Variants in GPC5 observed in about 807,000 individuals in gnomAD.
GPC5 encodes glypican 5.
Under a neutral mutation model 53.9 loss-of-function variants are expected in GPC5, and 47 were observed. The ratio of observed to expected loss-of-function variants is 0.87; its 90% CI spans 0.69 to 1.11. The LOEUF is 1.11. GPC5 is among the 50% of genes most tolerant of loss of function. GPC5 has a pLI of 0.00. For synonymous variants in GPC5, 286 were observed against 263.3 expected (o/e 1.09, Z -0.84); for missense variants, 748 against 713.1 (o/e 1.05, Z -0.56).
intron 7 of GPC5, among the ~76,000 whole-genome samples, chr13:92,691,532 C>T (rs184973031): frequency 1.8e-4 from 28 of 151,974 alleles, no homozygotes; most frequent in African/African-American, 4.6e-4. Context: ...TCTTCTGCGT[C>T]GCTCACGCTG....
At chr13:91,533,560 C>T (rs191570729) in intron 2 of GPC5, among the ~76,000 whole-genome samples, 11 of 151,966 alleles carry the variant, frequency 7.2e-5, no homozygotes, top group Admixed American at 6.6e-4. Flanking sequence ...AGATAATGAA[C>T]AGCACTGAAA....
intron 7 of GPC5, among the ~76,000 whole-genome samples, chr13:92,735,826 CA>C (rs1167406169): frequency 6.6e-6 from 1 of 151,922 alleles, no homozygotes; most frequent in Non-Finnish European, 1.5e-5. Flanking sequence ...GTAAGTTAAG[CA>C]TCTGTCTTAG....
intron 7 of GPC5, among the ~76,000 whole-genome samples, chr13:92,791,697 A>G (rs1876469473): frequency 6.6e-6 from 1 of 152,144 alleles, no homozygotes; most frequent in African/African-American, 2.4e-5. Flanking sequence ...GTGTACATAT[A>G]TATGTATATA....
At chr13:92,833,471 A>G (rs1317920017) in intron 7 of GPC5, among the ~76,000 whole-genome samples, 1 of 152,116 alleles carries the variant, frequency 6.6e-6, no homozygotes, top group Admixed American at 6.6e-5. Context: ...AATAGATAAT[A>G]TATATATTCT....
At chr13:91,665,266 G>A (rs977010618) in intron 2 of GPC5, among the ~76,000 whole-genome samples, 2 of 152,080 alleles carry the variant, frequency 1.3e-5, no homozygotes, top group Non-Finnish European at 2.9e-5. Flanking sequence ...CTCCAATTAG[G>A]TCATTTTATA....
chr13:92,069,908 T>C (rs8000320), intron 6 of GPC5, among the ~76,000 whole-genome samples: 152,262 of 152,268 alleles, frequency 1, 76,128 homozygotes, highest in Middle Eastern at 1. Context: ...AAGATGGTCA[T>C]GCTTTAATCC....
chr13:91,401,375 A>G (rs76663499), intron 1 of GPC5, among the ~76,000 whole-genome samples: 8,795 of 151,854 alleles, frequency 0.058, 433 homozygotes, highest in East Asian at 0.3. Flanking sequence ...TTCTTTTTGT[A>G]TTTATATATG....
chr13:92,751,746 A>AAAACAAT (rs111894774), intron 7 of GPC5, among the ~76,000 whole-genome samples: 1 of 151,224 alleles, frequency 6.6e-6, no homozygotes, highest in Admixed American at 6.6e-5. Context: ...TAAAGTATAA[A>AAAACAAT]AAAAAATAAA....
intron 7 of GPC5, among the ~76,000 whole-genome samples, chr13:92,413,384 T>C (rs1876134486): frequency 6.6e-6 from 1 of 152,228 alleles, no homozygotes; most frequent in Non-Finnish European, 1.5e-5. Context: ...TAAATCAAGA[T>C]TATTTTATTG....
At chr13:91,927,896 C>T (rs992958657) in intron 6 of GPC5, among the ~76,000 whole-genome samples, 25 of 152,176 alleles carry the variant, frequency 1.6e-4, no homozygotes, top group African/African-American at 6.0e-4. Context: ...TATTTTTCTT[C>T]CTTTAAAAAG....
chr13:91,749,033 TA>T (rs1245755103), intron 4 of GPC5, among the ~76,000 whole-genome samples: 1 of 152,050 alleles, frequency 6.6e-6, no homozygotes, highest in Non-Finnish European at 1.5e-5. Context: ...TATTGTTTCT[TA>T]TTTTTTTAAT....
At chr13:91,516,929 C>T (rs535694845) in intron 2 of GPC5, among the ~76,000 whole-genome samples, 1 of 152,288 alleles carries the variant, frequency 6.6e-6, no homozygotes, top group South Asian at 2.1e-4. Context: ...TGTACGTTGT[C>T]CCCTTTCAGC....
intron 7 of GPC5, among the ~76,000 whole-genome samples, chr13:92,475,323 C>T (rs1566606701): frequency 6.8e-6 from 1 of 147,308 alleles, no homozygotes; most frequent in Non-Finnish European, 1.5e-5. Flanking sequence ...ATTGATTCTT[C>T]CTACCCATGA....
intron 7 of GPC5, among the ~76,000 whole-genome samples, chr13:92,175,280 T>A (rs1233010340): frequency 1.3e-5 from 2 of 152,212 alleles, no homozygotes; most frequent in Non-Finnish European, 2.9e-5. Flanking sequence ...TTTCTGTTTA[T>A]CGATATCTAG....
intron 2 of GPC5, among the ~76,000 whole-genome samples, chr13:91,628,571 T>G (rs1041464622): frequency 6.6e-6 from 1 of 152,126 alleles, no homozygotes; most frequent in African/African-American, 2.4e-5. Context: ...TAATTTTAAT[T>G]GGAAAATAGC....
chr13:92,373,393 T>G (rs951814900), intron 7 of GPC5, among the ~76,000 whole-genome samples: 3 of 152,200 alleles, frequency 2.0e-5, no homozygotes, highest in African/African-American at 7.2e-5. Flanking sequence ...TCATGTTCTC[T>G]CTGTAGAAAT....
At chr13:91,674,651 C>A (rs371470947) in intron 2 of GPC5, among the ~76,000 whole-genome samples, 3 of 136,130 alleles carry the variant, frequency 2.2e-5, no homozygotes, top group African/African-American at 9.0e-5. Context: ...GTGTATTATG[C>A]GTATGTGTAT....
intron 7 of GPC5, among the ~76,000 whole-genome samples, chr13:92,151,087 G>A (rs1428782636): frequency 6.6e-6 from 1 of 152,016 alleles, no homozygotes; most frequent in African/African-American, 2.4e-5. Context: ...AGTGCATCTG[G>A]TAGAAAGAAA....
chr13:91,463,727 T>G (rs2139152417), intron 2 of GPC5, among the ~76,000 whole-genome samples: 1 of 152,204 alleles, frequency 6.6e-6, no homozygotes, highest in South Asian at 2.1e-4. Flanking sequence ...AAATTGAATA[T>G]TCATAGGGGA....
Sources: allele counts gnomAD v4.1 joint callset (sites outside exome capture counted in the v4.1 genomes callset), GRCh38; gene constraint gnomAD v4.1.1; transcripts MANE v1.5; gene names NCBI Gene and HGNC (gene_info 2026-07-23, HGNC 2026-07-21).